CLRN1: variants seen among roughly 807,000 people sequenced by gnomAD.
CLRN1 encodes the protein clarin 1.
In CLRN1, 15 loss-of-function variants were observed where a neutral mutation model predicts 18.7. That is an observed-to-expected ratio of 0.80 (90% CI 0.54 to 1.23). CLRN1 has a LOEUF of 1.23. CLRN1 is among the 50% of genes most tolerant of loss of function. The pLI, the probability that CLRN1 is intolerant of heterozygous loss-of-function variation, is 0.00. For synonymous variants in CLRN1, 104 were observed against 102.9 expected (o/e 1.01, Z -0.07); for missense variants, 311 against 277.5 (o/e 1.12, Z -0.86).
chr3:150,952,456 G>A (rs1714538305), intron 1 of CLRN1, among the ~76,000 whole-genome samples: 1 of 152,166 alleles, frequency 6.6e-6, no homozygotes, highest in African/African-American at 2.4e-5. Context: ...AAGCTATGAT[G>A]TTCGGTAGAT....
intron 1 of CLRN1, among the ~76,000 whole-genome samples, chr3:150,944,483 A>G (rs929581614): frequency 6.6e-6 from 1 of 151,454 alleles, no homozygotes; most frequent in Non-Finnish European, 1.5e-5. Flanking sequence ...GAGGGGAGAG[A>G]TGGGGGCTGG....
intron 1 of CLRN1, among the ~76,000 whole-genome samples, chr3:150,944,894 T>C (rs1178193767): frequency 1.3e-5 from 2 of 152,244 alleles, no homozygotes; most frequent in South Asian, 2.1e-4. Context: ...GCAAGAGTTC[T>C]GTCTTAGATA....
intron 1 of CLRN1, among the ~76,000 whole-genome samples, chr3:150,965,669 A>C (rs1294837592): frequency 6.6e-6 from 1 of 152,162 alleles, no homozygotes; most frequent in Non-Finnish European, 1.5e-5. Flanking sequence ...CACCAGGGTT[A>C]AGTTCCAGGA....
Position 150,928,218 on chromosome 3 carries a change from A to C in CLRN1, c.434-17T>G. On this transcript the variant is annotated splice_polypyrimidine_tract_variant and intron_variant, in intron 2 of 2. Coordinates refer to ENST00000327047, the MANE Select transcript of CLRN1 (RefSeq NM_174878.3). ...CACAGGAGCCTGCAACAGAAGAAAC[A>C]AGGTGTTGGGACAAATATTTCCTGA... is the stretch of plus-strand genomic sequence containing the variant. 6.2e-7 allele frequency: 1 copy of C among 1,613,744 alleles called. No homozygotes were observed. The highest frequency in any genetic ancestry group is 8.5e-7 in the Non-Finnish European group (1 of 1,179,902).
chr3:150,968,025 T>C (rs1484051948), intron 1 of CLRN1, among the ~76,000 whole-genome samples: 1 of 152,222 alleles, frequency 6.6e-6, no homozygotes, highest in African/African-American at 2.4e-5. Flanking sequence ...TTAAAATGCT[T>C]TTCAAAGTAT....
intron 1 of CLRN1, among the ~76,000 whole-genome samples, chr3:150,966,790 G>A (rs368918308): frequency 6.6e-6 from 1 of 152,116 alleles, no homozygotes; most frequent in South Asian, 2.1e-4. Context: ...CAGAGCAAAG[G>A]CACACGTAAC....
intron 1 of CLRN1, among the ~76,000 whole-genome samples, chr3:150,963,267 A>G (rs956437998): frequency 6.6e-6 from 1 of 152,196 alleles, no homozygotes; most frequent in African/African-American, 2.4e-5. Flanking sequence ...CTATACACCA[A>G]TAACAGACAA....
Position 150,926,962 on chromosome 3 carries a change from C to T in CLRN1, c.*974G>A. On this transcript the variant is annotated 3_prime_UTR_variant, in exon 3 of 3. Transcript: ENST00000327047. The stretch of plus-strand genomic sequence containing the variant: ...CAGCCAGAACAAGACCAAGATGATA[C>T]AGTGATACCGTCATAATCCCAGATT... 6.2e-7 allele frequency: 1 copy of T among 1,600,910 alleles called. No individual in the cohort carries two copies. Among genetic ancestry groups the T allele is most frequent in the Non-Finnish European group, 8.5e-7 (1 of 1,169,918 alleles).
intron 1 of CLRN1, among the ~76,000 whole-genome samples, chr3:150,959,418 C>T (rs1714917645): frequency 6.6e-6 from 1 of 152,032 alleles, no homozygotes; most frequent in African/African-American, 2.4e-5. Context: ...CACCTGAGGC[C>T]AGGAGTTCAA....
intron 1 of CLRN1, among the ~76,000 whole-genome samples, chr3:150,954,548 T>A (rs1714645912): frequency 1.3e-5 from 2 of 152,260 alleles, no homozygotes; most frequent in South Asian, 4.1e-4. Context: ...CACAAATATT[T>A]TCTCTGTCTG....
At chr3:150,951,624 C>G (rs1714487869) in intron 1 of CLRN1, among the ~76,000 whole-genome samples, 1 of 152,162 alleles carries the variant, frequency 6.6e-6, no homozygotes, top group African/African-American at 2.4e-5. Flanking sequence ...AGGTGTCAGT[C>G]ACCGCGCCCG....
At chr3:150,926,188 A>G (rs1485189344), downstream of CLRN1, 1 of 157,332 alleles carries the variant, frequency 6.4e-6, no homozygotes, top group Admixed American at 6.1e-5. Flanking sequence ...TTAGTTCCTC[A>G]TTAGATTTTT....
intron 1 of CLRN1, among the ~76,000 whole-genome samples, chr3:150,947,466 T>A (rs1199379838): frequency 6.6e-6 from 1 of 152,164 alleles, no homozygotes; most frequent in Non-Finnish European, 1.5e-5. Flanking sequence ...GTAGGAGACT[T>A]CAGTGCTTTA....
In CLRN1 at chr3:150,927,512, G is replaced by T. The variant is rs1249705925; in HGVS notation, c.*424C>A. On this transcript the variant is annotated 3_prime_UTR_variant, in exon 3 of 3. Transcript: ENST00000327047. ...TAATACACTACTGTTTTAGGAAAGC[G>T]ATTGCAGCTCAGTTTTCTGAAATCT... is the stretch of plus-strand genomic sequence containing the variant. The T allele has an allele frequency of 2.2e-6, 1 of 454,656 alleles. No homozygotes were observed. The highest frequency in any genetic ancestry group is 1.6e-5 in the South Asian group (1 of 64,196). The allele number at this position is 454,656 out of a possible 1,614,324, so 28.2% of individuals were successfully genotyped here.
intron 2 of CLRN1, among the ~76,000 whole-genome samples, chr3:150,929,901 G>A (rs976118679): frequency 6.6e-6 from 1 of 152,044 alleles, no homozygotes; most frequent in African/African-American, 2.4e-5. Context: ...TCTCCTTTAG[G>A]ACAGGTAAAT....
chr3:150,926,440 C>T, downstream of CLRN1: 1 of 351,996 alleles, frequency 2.8e-6, no homozygotes, highest in Middle Eastern at 1.0e-3. Context: ...TGGACCATTT[C>T]AGCTAAAGAC....
At chr3:150,948,501 A>AG (rs1714304969) in intron 1 of CLRN1, among the ~76,000 whole-genome samples, 1 of 150,000 alleles carries the variant, frequency 6.7e-6, no homozygotes, top group Admixed American at 6.6e-5. Context: ...AAAAAAAAAA[A>AG]AAAAAAAAGA....
chr3:150,952,367 A>G (rs1253757938), intron 1 of CLRN1, among the ~76,000 whole-genome samples: 2 of 152,290 alleles, frequency 1.3e-5, no homozygotes, highest in South Asian at 2.1e-4. Flanking sequence ...CCGATACTCT[A>G]CAGTGTCCTG....
chr3:150,931,104 A>G (rs1576625279), intron 2 of CLRN1, among the ~76,000 whole-genome samples: 1 of 152,200 alleles, frequency 6.6e-6, no homozygotes, highest in East Asian at 1.9e-4. Context: ...ATATGAAGGG[A>G]GACAACTCAG....
Sources: allele counts gnomAD v4.1 joint callset (sites outside exome capture counted in the v4.1 genomes callset), GRCh38; gene constraint gnomAD v4.1.1; transcripts MANE v1.5; gene names NCBI Gene and HGNC (gene_info 2026-07-23, HGNC 2026-07-21).